IQSEC1: variants seen among roughly 807,000 people sequenced by gnomAD.
IQSEC1 encodes IQ motif and Sec7 domain ArfGEF 1, also known as IQ motif and SEC7 domain-containing protein 1.
Under a neutral mutation model 91.0 loss-of-function variants are expected in IQSEC1, and 31 were observed. The ratio of observed to expected loss-of-function variants is 0.34; its 90% CI spans 0.26 to 0.46. IQSEC1 has a LOEUF of 0.46. Ranked by LOEUF, IQSEC1 falls within the 20% of genes least tolerant of loss-of-function variation. IQSEC1 has a pLI of 1.00. For synonymous variants in IQSEC1, 699 were observed against 662.6 expected, an observed-to-expected ratio of 1.05 and a Z score of -0.84; for missense variants, 1,388 against 1,575.6, an observed-to-expected ratio of 0.88 and a Z score of 2.02.
intron 1 of IQSEC1, among the ~76,000 whole-genome samples, chr3:13,065,548 A>G (rs1705204107): frequency 6.6e-6 from 1 of 152,220 alleles, no homozygotes. Context: ...ACTTCACACC[A>G]TTAGGATGGC....
chr3:12,967,597 GC>G lies in IQSEC1; in HGVS notation c.24-25733del. 7.8e-7 allele frequency: 1 copy of G among 1,274,640 alleles called. No homozygotes were observed. Among genetic ancestry groups the G allele is most frequent in the Non-Finnish European group, 9.9e-7 (1 of 1,013,562 alleles). 79.0% of individuals were successfully genotyped at this position (1,274,640 alleles called of 1,614,324 possible). A position where few individuals can be genotyped will look rare whatever the true frequency, so the allele number is the denominator to read the frequency against. ...CCACCCGCCACGCGATCACGTCGGG[GC>G]TCCTGGTCCAGCGTCCGCCGGCTCC... On this transcript the variant is annotated intron_variant, in intron 1 of 13. Coordinates refer to ENST00000613206, the MANE Select transcript of IQSEC1 (RefSeq NM_001134382.3). This position sits in a 1 kb window ranked among gnomAD's most constrained non-coding sequence, Gnocchi z 5.9.
chr3:13,003,676 A>G (rs1702520302), intron 1 of IQSEC1, among the ~76,000 whole-genome samples: 1 of 152,268 alleles, frequency 6.6e-6, no homozygotes, highest in Non-Finnish European at 1.5e-5. Context: ...ATGAAACATA[A>G]GATCCTAGGT....
At chr3:13,041,410 T>G (rs1172785889) in intron 1 of IQSEC1, among the ~76,000 whole-genome samples, 1 of 152,234 alleles carries the variant, frequency 6.6e-6, no homozygotes, top group African/African-American at 2.4e-5. Flanking sequence ...GAAAGCCCAC[T>G]GGAAGGAAGA....
chr3:13,210,487 C>A (rs764933223), intron 1 of IQSEC1, among the ~76,000 whole-genome samples: 3 of 152,190 alleles, frequency 2.0e-5, no homozygotes, highest in African/African-American at 7.2e-5. Flanking sequence ...CCAGGCCACC[C>A]GCCCCTCCCC....
At chr3:13,073,715 G>T (rs1210038526), upstream of IQSEC1, among the ~76,000 whole-genome samples, 1 of 152,260 alleles carries the variant, frequency 6.6e-6, no homozygotes, top group Non-Finnish European at 1.5e-5. Flanking sequence ...TCTGCCTTCG[G>T]CACTGAGACA....
intron 2 of IQSEC1, among the ~76,000 whole-genome samples, chr3:13,144,581 A>C (rs1464872583): frequency 2.0e-5 from 3 of 152,180 alleles, no homozygotes; most frequent in Non-Finnish European, 4.4e-5. Context: ...TCTGGGCCTT[A>C]AGAGACTTTA....
At chr3:12,915,487 G>C in intron 7 of IQSEC1, 107 bp downstream of exon 7, 1 of 1,265,806 alleles carries the variant, frequency 7.9e-7, no homozygotes. Flanking sequence ...CACCAGCCCT[G>C]CTGGAAGAGA....
chr3:13,226,351 T>G (rs1694754312), intron 1 of IQSEC1, among the ~76,000 whole-genome samples: 3 of 152,186 alleles, frequency 2.0e-5, no homozygotes, highest in African/African-American at 7.2e-5. Context: ...TAAATGATAA[T>G]AATAATATCC....
At chr3:12,954,061 C>G (rs1190085052) in intron 1 of IQSEC1, among the ~76,000 whole-genome samples, 1 of 152,232 alleles carries the variant, frequency 6.6e-6, no homozygotes, top group Non-Finnish European at 1.5e-5. Flanking sequence ...CCTGTGAACC[C>G]AGGGCCACAC....
At chr3:13,195,525 C>A (rs756066544) in intron 1 of IQSEC1, among the ~76,000 whole-genome samples, 3 of 152,214 alleles carry the variant, frequency 2.0e-5, no homozygotes, top group Non-Finnish European at 4.4e-5. Flanking sequence ...ATTCATGGAA[C>A]ACTATTCGGC....
chr3:13,246,430 G>A (rs9875796), intron 1 of IQSEC1, among the ~76,000 whole-genome samples: 27,549 of 152,160 alleles, frequency 0.18, 4,230 homozygotes, highest in African/African-American at 0.42. Flanking sequence ...GGAGATGGAC[G>A]GTGGGGACGG....
rs775296810 is a variant in IQSEC1, at chr3:13,107,972, G to A, written c.302+56132C>T. Among the ~76,000 whole-genome samples, 9 of 152,168 alleles carry A rather than the reference G, an allele frequency of 5.9e-5. 1 individual carries two copies. The highest frequency in any genetic ancestry group is 8.8e-5 in the Non-Finnish European group (6 of 68,034). On this transcript the variant is annotated intron_variant, in intron 2 of 15. Transcript: ENST00000648114. ...CCAGAGGGCGCCGGGGAGCAGCCCC[G>A]CATGCTGCCACTCGTATCTTATGGC...
intron 1 of IQSEC1, among the ~76,000 whole-genome samples, chr3:13,266,149 G>C (rs1323820168): frequency 6.6e-6 from 1 of 152,106 alleles, no homozygotes; most frequent in Non-Finnish European, 1.5e-5. Context: ...TTCCATATGA[G>C]GAAACACTCC....
At chr3:13,196,543 T>C (rs930031191) in intron 1 of IQSEC1, among the ~76,000 whole-genome samples, 21 of 152,220 alleles carry the variant, frequency 1.4e-4, no homozygotes, top group Admixed American at 1.2e-3. Flanking sequence ...CTGCTTGCCC[T>C]GCACGTCTGG....
At chr3:12,986,972 T>C in intron 1 of IQSEC1, 1 of 430,998 alleles carries the variant, frequency 2.3e-6, no homozygotes, top group Non-Finnish European at 4.6e-6. Flanking sequence ...TTCCCTTACC[T>C]TGGTCCAGTG....
At chr3:13,024,169 C>G (rs1703515081) in intron 1 of IQSEC1, among the ~76,000 whole-genome samples, 1 of 152,182 alleles carries the variant, frequency 6.6e-6, no homozygotes, top group Non-Finnish European at 1.5e-5. Flanking sequence ...GTGGAAGTAG[C>G]CTCTGCTTAC....
At chr3:13,183,528 TGCACTCCA>T (rs1403225297) in intron 1 of IQSEC1, among the ~76,000 whole-genome samples, 2 of 150,882 alleles carry the variant, frequency 1.3e-5, no homozygotes, top group African/African-American at 4.9e-5. Flanking sequence ...ATCATACCAC[TGCACTCCA>T]GCCTGGGCAA....
chr3:13,072,543 C>T (rs900652367), intron 1 of IQSEC1, among the ~76,000 whole-genome samples: 5 of 152,222 alleles, frequency 3.3e-5, no homozygotes, highest in African/African-American at 4.8e-5. Context: ...TGGACCTTCA[C>T]CTGCCCTTGG....
chr3:13,203,248 C>CCACACAGG (rs1694279337), intron 1 of IQSEC1, among the ~76,000 whole-genome samples: 1 of 152,046 alleles, frequency 6.6e-6, no homozygotes, highest in Non-Finnish European at 1.5e-5. Flanking sequence ...CACAACTCAC[C>CCACACAGG]CACACAGGCA....
Sources: gnomAD v4.1 joint callset for allele counts (sites outside exome capture counted in the v4.1 genomes callset) on GRCh38, gnomAD v4.1.1 for gene constraint, Gnocchi (gnomAD v3.1) non-coding constraint, MANE v1.5 for transcripts, NCBI Gene and HGNC (gene_info 2026-07-23, HGNC 2026-07-21) for gene names.